CTNNA3: variants seen among roughly 807,000 people sequenced by gnomAD.
CTNNA3 encodes the protein catenin alpha-3.
CTNNA3 carries 76 observed loss-of-function variants against 95.7 expected under a neutral mutation model. The ratio of observed to expected loss-of-function variants is 0.79; its 90% CI spans 0.66 to 0.96. CTNNA3 has a LOEUF of 0.96. Ranked by LOEUF, CTNNA3 falls within the 40% of genes least tolerant of loss-of-function variation. The pLI, the probability that CTNNA3 is intolerant of heterozygous loss-of-function variation, is 0.00. For missense variants in CTNNA3, 1,191 were observed against 1,089.8 expected, an observed-to-expected ratio of 1.09 and a Z score of -1.31; for synonymous variants, 431 against 374.4, an observed-to-expected ratio of 1.15 and a Z score of -1.74.
chr10:66,966,721 C>T (rs1393315741), intron 7 of CTNNA3, among the ~76,000 whole-genome samples: 1 of 151,940 alleles, frequency 6.6e-6, no homozygotes, highest in African/African-American at 2.4e-5. Flanking sequence ...TTGGGGTGAT[C>T]ACTGATAGGC....
chr10:66,518,931 T>C (rs1465240510), intron 11 of CTNNA3, among the ~76,000 whole-genome samples: 2 of 152,128 alleles, frequency 1.3e-5, no homozygotes, highest in East Asian at 3.9e-4. Context: ...CATGAAAATA[T>C]AGTTGGTTTC....
chr10:66,314,570 C>T (rs1437248847), intron 12 of CTNNA3, among the ~76,000 whole-genome samples: 1 of 151,984 alleles, frequency 6.6e-6, no homozygotes, highest in Admixed American at 6.6e-5. Flanking sequence ...TATACTTTGA[C>T]AAGATCTCAA....
intron 9 of CTNNA3, among the ~76,000 whole-genome samples, chr10:66,691,045 G>A (rs898864942): frequency 1.3e-5 from 2 of 152,202 alleles, no homozygotes; most frequent in Non-Finnish European, 2.9e-5. Context: ...GAAGACGGGT[G>A]ATTTCTGCAT....
chr10:67,434,400 TG>T (rs764478523), intron 5 of CTNNA3, among the ~76,000 whole-genome samples: 51 of 152,008 alleles, frequency 3.4e-4, no homozygotes, highest in Non-Finnish European at 6.9e-4. Context: ...ACTTAAAGTA[TG>T]GGTGCTTAAT....
At chr10:67,016,971 ATT>A (rs1028555323) in intron 7 of CTNNA3, among the ~76,000 whole-genome samples, 63 of 152,314 alleles carry the variant, frequency 4.1e-4, no homozygotes, top group African/African-American at 1.4e-3. Context: ...GTTCACATAA[ATT>A]GTATCTACTG....
intron 7 of CTNNA3, among the ~76,000 whole-genome samples, chr10:66,891,754 G>A (rs1350143509): frequency 6.6e-6 from 1 of 152,164 alleles, no homozygotes; most frequent in Non-Finnish European, 1.5e-5. Flanking sequence ...TACAAATGTA[G>A]AGTGTGATTG....
At chr10:66,499,905 C>A (rs574065067) in intron 11 of CTNNA3, among the ~76,000 whole-genome samples, 32 of 151,416 alleles carry the variant, frequency 2.1e-4, no homozygotes, top group Admixed American at 1.8e-3. Context: ...CGGCTTCAAG[C>A]AATTCACCTG....
intron 11 of CTNNA3, among the ~76,000 whole-genome samples, chr10:66,444,724 C>A (rs1404082525): frequency 6.6e-6 from 1 of 152,106 alleles, no homozygotes; most frequent in Admixed American, 6.6e-5. Flanking sequence ...AAAAACATAC[C>A]AAAATGTAAA....
chr10:67,750,804 T>G lies in CTNNA3; in HGVS notation c.-2+12630A>C, dbSNP rs1029481993. The G allele has an allele frequency of 8.1e-6, 13 of 1,609,606 alleles. No homozygotes were observed. The African/African-American group carries it at 1.3e-4, about 17-fold the overall frequency. Reference sequence around the variant, plus strand: ...AGATAGAGAGGCTCTTGAACAAACCTGGACTGAAATATAAACCAGTGACTA... The same window carrying G: ...AGATAGAGAGGCTCTTGAACAAACCGGGACTGAAATATAAACCAGTGACTA... On this transcript the variant is annotated intron_variant, in intron 1 of 17. Coordinates refer to the CTNNA3 transcript ENST00000684154.
chr10:67,470,665 A>ACACACG (rs1269623085), intron 5 of CTNNA3, among the ~76,000 whole-genome samples: 2 of 152,060 alleles, frequency 1.3e-5, no homozygotes, highest in African/African-American at 4.8e-5. Flanking sequence ...ACACACACAC[A>ACACACG]CACCGCAGTG....
intron 7 of CTNNA3, among the ~76,000 whole-genome samples, chr10:67,025,621 T>G (rs1249600298): frequency 6.6e-6 from 1 of 152,182 alleles, no homozygotes; most frequent in African/African-American, 2.4e-5. Context: ...AGGAAGAATA[T>G]TTTTAAAATC....
intron 5 of CTNNA3, among the ~76,000 whole-genome samples, chr10:67,237,233 G>A (rs1044435237): frequency 2.8e-5 from 4 of 144,164 alleles, no homozygotes; most frequent in East Asian, 2.0e-4. Flanking sequence ...CATTTGCAGC[G>A]ACCTGGATGA....
chr10:67,727,365 T>C (rs1841241425), intron 1 of CTNNA3, among the ~76,000 whole-genome samples: 1 of 133,070 alleles, frequency 7.5e-6, no homozygotes, highest in Non-Finnish European at 1.6e-5. Context: ...TATACATATA[T>C]GTATATATGT....
chr10:66,927,715 G>A lies in CTNNA3; in HGVS notation c.1048-152191C>T. On this transcript the variant is annotated intron_variant, in intron 7 of 17. Coordinates refer to ENST00000433211, the MANE Select transcript of CTNNA3 (RefSeq NM_013266.4). This position sits in a 1 kb window ranked among gnomAD's most constrained non-coding sequence, Gnocchi z 4.7. ...TGATTTATCAGGCAATGAGATCGAA[G>A]CTTTCAGTGGACCCAGTGTTTTCCA... 6.2e-7 allele frequency: 1 copy of A among 1,614,208 alleles called. No homozygotes were observed. Among genetic ancestry groups the A allele is most frequent in the Middle Eastern group, 1.6e-4 (1 of 6,062 alleles).
chr10:67,209,586 A>C (rs948452901), intron 6 of CTNNA3, among the ~76,000 whole-genome samples: 8 of 152,198 alleles, frequency 5.3e-5, no homozygotes, highest in Non-Finnish European at 8.8e-5. Context: ...ACATGAATTA[A>C]GCCACAAAAA....
intron 13 of CTNNA3, among the ~76,000 whole-genome samples, chr10:66,275,025 C>T (rs2091361856): frequency 6.6e-6 from 1 of 151,946 alleles, no homozygotes; most frequent in Non-Finnish European, 1.5e-5. Flanking sequence ...ATAATATTTT[C>T]TAATTGTTAG....
Position 66,775,539 on chromosome 10 carries a change from A to C in CTNNA3, c.1048-15T>G. ...TTTTTTCCAGCCTGCAAAGAAGAAA[A>C]AACGACATAAGCAATGGTATCAATT... is the stretch of plus-strand genomic sequence containing the variant. On this transcript the variant is annotated splice_polypyrimidine_tract_variant and intron_variant, in intron 7 of 17. Coordinates refer to ENST00000433211, the MANE Select transcript of CTNNA3 (RefSeq NM_013266.4). 1.9e-6 allele frequency: 3 copies of C among 1,570,770 alleles called. No homozygotes were observed. Among genetic ancestry groups the C allele is most frequent in the Non-Finnish European group, 2.6e-6 (3 of 1,146,998 alleles).
At chr10:66,319,435 T>C (rs1335888938) in intron 12 of CTNNA3, among the ~76,000 whole-genome samples, 1 of 152,124 alleles carries the variant, frequency 6.6e-6, no homozygotes. Flanking sequence ...CAGTAAGATG[T>C]ACGTAGAAGT....
chr10:66,194,279 T>G (rs1457779071), intron 13 of CTNNA3, among the ~76,000 whole-genome samples: 2 of 152,160 alleles, frequency 1.3e-5, no homozygotes, highest in Non-Finnish European at 2.9e-5. Context: ...CCCAAATGGA[T>G]AGATTTCAAA....
Sources: allele counts gnomAD v4.1 joint callset (sites outside exome capture counted in the v4.1 genomes callset), GRCh38; gene constraint gnomAD v4.1.1; non-coding constraint Gnocchi (gnomAD v3.1); transcripts MANE v1.5; gene names NCBI Gene and HGNC (gene_info 2026-07-23, HGNC 2026-07-21).